The following SMG5 variants were observed in gnomAD, a reference collection of about 807,000 sequenced individuals.
SMG5 encodes SMG5 nonsense mediated mRNA decay factor, also known as nonsense-mediated mRNA decay factor SMG5.
In SMG5, 53 loss-of-function variants were observed where a neutral mutation model predicts 122.9. The ratio of observed to expected loss-of-function variants is 0.43; its 90% CI spans 0.35 to 0.54. The LOEUF is 0.54. Among genes scored for constraint, SMG5 ranks in the 20% least tolerant of loss-of-function variants. The pLI is 0.01. For missense variants in SMG5, 1,153 were observed against 1,285.6 expected, an observed-to-expected ratio of 0.90 and a Z score of 1.58; for synonymous variants, 477 against 490.2, an observed-to-expected ratio of 0.97 and a Z score of 0.35.
upstream of SMG5, chr1:156,285,663 T>G: frequency 3.1e-6 from 5 of 1,613,894 alleles, no homozygotes; most frequent in Non-Finnish European, 4.2e-6. Context: ...GAAGACCTTA[T>G]CGTGCGCTGT....
intron 12 of SMG5, among the ~76,000 whole-genome samples, chr1:156,265,421 T>C (rs751546343): frequency 1.3e-5 from 2 of 152,192 alleles, no homozygotes; most frequent in African/African-American, 2.4e-5. Context: ...CTCACTCTAA[T>C]GCACCTGCGC....
At chr1:156,261,521 G>A in intron 13 of SMG5, 113 bp from the exon 14 acceptor site, 1 of 799,494 alleles carries the variant, frequency 1.3e-6, no homozygotes, top group Non-Finnish European at 2.0e-6. Context: ...AGGCCTGTGG[G>A]GGTTTGATTT....
rs766794380 is a variant in SMG5 at position 156,282,656 on chromosome 1, C to G, written c.25G>C (p.Glu9Gln). 1 of 1,607,118 alleles carries G rather than the reference C, an allele frequency of 6.2e-7. No individual in the cohort carries two copies. Among genetic ancestry groups the G allele is most frequent in the Non-Finnish European group, 8.5e-7 (1 of 1,179,560 alleles). The change falls in exon 1 of 22, where the codon GAG becomes CAG. Residue 9 changes from glutamate to glutamine, a missense_variant. Around this residue, in one of 5 missense-constraint regions of SMG5, gnomAD observed 213 missense variants for 197.5 expected, o/e 1.08. Transcript: ENST00000361813. MSQGPPTG[E>Q]SSEPEAKVLH... ...ACTTTTGCTTCGGGCTCGCTGCTCT[C>G]CCCTGTGGGGGGGCCTTGGCTCATG...
chr1:156,279,401 G>A (rs954727724), intron 1 of SMG5, among the ~76,000 whole-genome samples: 1 of 152,178 alleles, frequency 6.6e-6, no homozygotes, highest in African/African-American at 2.4e-5. Context: ...CAGTGTCAAA[G>A]TAGAGAAACT....
In SMG5 at chr1:156,277,165, A is replaced by T. The variant is rs772060552; in HGVS notation, c.374T>A (p.Leu125His). The T allele has an allele frequency of 8.1e-6, 13 of 1,613,988 alleles. No homozygotes were observed. Among genetic ancestry groups the T allele is most frequent in the Non-Finnish European group, 1.1e-5 (13 of 1,179,992 alleles). Residue 125 changes from leucine (L) to histidine (H), a missense_variant, in exon 4 of 22, where the codon CTC (leucine) becomes CAC (histidine). Around this residue, in one of 5 missense-constraint regions of SMG5, gnomAD observed 213 missense variants for 197.5 expected, o/e 1.08. Coordinates refer to ENST00000361813, the MANE Select transcript of SMG5 (RefSeq NM_015327.3). ...LVAGIGFYQH[L>H]LLYIQSHYQL... ...GTAGTGGGACTGGATATAGAGAAGG[A>T]GATGCTGGTAGAAGCCAATACCAGC...
upstream of SMG5, among the ~76,000 whole-genome samples, chr1:156,283,304 C>T (rs185868370): frequency 2.6e-5 from 4 of 152,336 alleles, no homozygotes; most frequent in Admixed American, 1.3e-4. Flanking sequence ...CTTGTACAAG[C>T]GTCTCGGCCC....
rs72480226 is a variant in SMG5 at position 156,250,112 on chromosome 1, G to A, written c.*475C>T. 2.2e-5 allele frequency: 8 copies of A among 367,374 alleles called. No individual in the cohort carries two copies. Among genetic ancestry groups the A allele is most frequent in the South Asian group, 1.4e-4 (7 of 48,936 alleles). The allele number at this position is 367,374 out of a possible 1,614,324, so 22.8% of individuals were successfully genotyped here. On this transcript the variant is annotated 3_prime_UTR_variant, in exon 22 of 22. Coordinates refer to ENST00000361813, the MANE Select transcript of SMG5 (RefSeq NM_015327.3). ...GATGGGTGATCCTTGAGGAGGGGAA[G>A]GGTCTGCAGAGAATCACTCAGACAC...
Position 156,274,678 on chromosome 1 carries a change from T to G in SMG5, c.463A>C (p.Lys155Gln), listed in dbSNP as rs1408160831. The change falls in exon 5 of 22, where the codon AAG becomes CAG. Residue 155 changes from lysine (K) to glutamine (Q), a missense_variant. By Grantham distance (53) the Lys-to-Gln change is moderately conservative. This residue lies in a region of SMG5 where 213 missense variants were observed against 197.5 expected (regional missense o/e 1.08). Coordinates refer to ENST00000361813, the MANE Select transcript of SMG5 (RefSeq NM_015327.3). ...HVTDPLIGCK[K>Q]PVSASGKEMD... ...TCCTTCCCTGAGGCAGACACTGGCT[T>G]CTTGCATCCTATGAGACAAAGAGAA... The G allele has an allele frequency of 1.2e-6, 2 of 1,613,784 alleles. No homozygotes were observed. Among genetic ancestry groups the G allele is most frequent in the South Asian group, 2.2e-5 (2 of 91,084 alleles).
Position 156,266,009 on chromosome 1 carries a change from G to T in SMG5, c.1627C>A (p.Arg543=). Reference sequence around the variant, plus strand: ...GAATCGGGAGCCTCTGATCTGCCCCGAGGGGGCTCCAGGGTTGGTGACCGT... The same window carrying T: ...GAATCGGGAGCCTCTGATCTGCCCCTAGGGGGCTCCAGGGTTGGTGACCGT... ...GTRSPTLEPP[R]GRSEAPDSLN... is the part of the protein sequence containing the mutation. Residue 543 remains arginine, a synonymous_variant, in exon 12 of 22, where the codon CGG becomes AGG. Coordinates refer to ENST00000361813, the MANE Select transcript of SMG5 (RefSeq NM_015327.3). The T allele has an allele frequency of 6.2e-7, 1 of 1,614,182 alleles. No homozygotes were observed. Among genetic ancestry groups the T allele is most frequent in the Non-Finnish European group, 8.5e-7 (1 of 1,180,024 alleles).
intron 7 of SMG5, among the ~76,000 whole-genome samples, chr1:156,269,094 C>T (rs1662286341): frequency 6.6e-6 from 1 of 152,096 alleles, no homozygotes; most frequent in African/African-American, 2.4e-5. Context: ...CCTGAGTCTC[C>T]CAAGTAGCTG....
At position 156,266,353 on chromosome 1, in the gene SMG5, T is replaced by G; in HGVS notation, c.1283A>C (p.Glu428Ala). Residue 428 changes from glutamate (E) to alanine (A), a missense_variant, in exon 12 of 22, where the codon GAG becomes GCG. Glu to Ala is a moderately radical substitution (Grantham distance 107). Transcript: ENST00000361813. ...TDEPESKEPV[E>A]KEEEPDPEPP... ...CTCAGGATCTGGCTCCTCCTCTTTC[T>G]CCACAGGTTCCTTGGACTCTGGTTC... 6.2e-7 allele frequency: 1 copy of G among 1,613,424 alleles called. No individual in the cohort carries two copies. Among genetic ancestry groups the G allele is most frequent in the Non-Finnish European group, 8.5e-7 (1 of 1,179,484 alleles).
At position 156,265,952 on chromosome 1, in the gene SMG5, T is replaced by C; in HGVS notation, c.1684A>G (p.Ser562Gly). 6.2e-7 allele frequency: 1 copy of C among 1,614,180 alleles called. No individual in the cohort carries two copies. The highest frequency in any genetic ancestry group is 8.5e-7 in the Non-Finnish European group (1 of 1,180,028). ...LNGPLGPSEA[S>G]IASNLQAMST... ...ATGGCTTGTAGATTGCTGGCAATGC[T>C]AGCCTCACTGGGGCCCAGTGGGCCA... Residue 562 changes from serine to glycine, a missense_variant, in exon 12 of 22, where the codon AGC becomes GGC. By Grantham distance (56) the Ser-to-Gly change is moderately conservative (BLOSUM62 0). Around this residue, in one of 5 missense-constraint regions of SMG5, gnomAD observed 631 missense variants for 650.6 expected, o/e 0.97. Coordinates refer to ENST00000361813, the MANE Select transcript of SMG5 (RefSeq NM_015327.3).
At chr1:156,286,154 G>T, upstream of SMG5, 1 of 1,384,184 alleles carries the variant, frequency 7.2e-7, no homozygotes, top group South Asian at 1.3e-5. Context: ...CCACCCCACT[G>T]TGTAGAGCCC....
At chr1:156,266,433 G>A (rs1026463347) in intron 11 of SMG5, 53 bp from the exon 12 acceptor site, 2 of 1,599,758 alleles carry the variant, frequency 1.3e-6, no homozygotes, top group African/African-American at 2.7e-5. Context: ...GAGCCTGGAA[G>A]CTGGAATGTG....
At chr1:156,286,524 C>A (rs1489498254), upstream of SMG5, 4 of 1,578,186 alleles carry the variant, frequency 2.5e-6, no homozygotes, top group Non-Finnish European at 1.7e-6. Context: ...TGCTAGAGAA[C>A]CTAGGCATCT....
At chr1:156,250,704 C>T (rs762488311) in intron 21 of SMG5, 34 bp from the exon 22 acceptor site, 18 of 1,610,090 alleles carry the variant, frequency 1.1e-5, no homozygotes, top group Middle Eastern at 1.6e-4. Context: ...TGGAGAGGGT[C>T]TGACCTCCTG....
upstream of SMG5, among the ~76,000 whole-genome samples, chr1:156,287,155 G>A (rs1295674369): frequency 1.3e-5 from 2 of 151,932 alleles, no homozygotes; most frequent in East Asian, 1.9e-4. Flanking sequence ...AGTGGCTCAC[G>A]CCTGTAATCC....
chr1:156,289,480 TG>T, the SMG5 span, among the ~76,000 whole-genome samples: 1 of 152,116 alleles, frequency 6.6e-6, no homozygotes, highest in Admixed American at 6.5e-5. Context: ...GGCATGGTGG[TG>T]GGTACCTGTA....
In SMG5 at chr1:156,273,360, C is replaced by A; in HGVS notation, c.634+1G>T. Reference sequence around the variant, plus strand: ...AGAGGCCCAAGTTGGGGACAACTTACCAATCTGAGGAGCTACTGACAGGGC... The same window carrying A: ...AGAGGCCCAAGTTGGGGACAACTTAACAATCTGAGGAGCTACTGACAGGGC... On this transcript the variant is annotated splice_donor_variant, in intron 6 of 21. Coordinates refer to ENST00000361813, the MANE Select transcript of SMG5 (RefSeq NM_015327.3). LOFTEE classifies it high-confidence loss of function. 6.2e-7 allele frequency: 1 copy of A among 1,613,222 alleles called. No individual in the cohort carries two copies. The highest frequency in any genetic ancestry group is 8.5e-7 in the Non-Finnish European group (1 of 1,179,806).
Sources: gnomAD v4.1 joint callset for allele counts (sites outside exome capture counted in the v4.1 genomes callset) on GRCh38, gnomAD v4.1.1 for gene constraint, gnomAD v4.1.1 regional missense constraint, MANE v1.5 for transcripts, NCBI Gene and HGNC (gene_info 2026-07-23, HGNC 2026-07-21) for gene names.